The following BICD2 variants were observed in gnomAD, a reference collection of about 807,000 sequenced individuals.
BICD2 encodes protein bicaudal D homolog 2.
BICD2 carries 25 observed loss-of-function variants against 72.9 expected under a neutral mutation model. The observed-to-expected ratio is 0.34, with a 90% CI of 0.25 to 0.48. The LOEUF is 0.48. Among genes scored for constraint, BICD2 ranks in the 20% least tolerant of loss-of-function variants. The probability of loss-of-function intolerance (pLI) is 0.99; values close to 1 mark genes in which losing one functional copy is unlikely to be tolerated. For synonymous variants in BICD2, 501 were observed against 516.1 expected (o/e 0.97, Z 0.40); for missense variants, 894 against 1,175.2 (o/e 0.76, Z 3.50).
chr9:92,715,042 T>C lies in BICD2; in HGVS notation c.*112A>G, dbSNP rs1853273200. On this transcript the variant is annotated 3_prime_UTR_variant, in exon 7 of 7. Coordinates refer to ENST00000356884, the MANE Select transcript of BICD2 (RefSeq NM_001003800.2). ...CCCCATGGCGCCTCGGCTAGACTCCTACCCTCTGTGCATTAGTCACGTTAA... is the reference window on the plus strand; with the variant it reads ...CCCCATGGCGCCTCGGCTAGACTCCCACCCTCTGTGCATTAGTCACGTTAA... The C allele has an allele frequency of 6.9e-7, 1 of 1,458,734 alleles. No homozygotes were observed. Among genetic ancestry groups the C allele is most frequent in the Non-Finnish European group, 9.1e-7 (1 of 1,104,196 alleles). 90.4% of individuals were successfully genotyped at this position (1,458,734 alleles called of 1,614,324 possible).
intron 1 of BICD2, among the ~76,000 whole-genome samples, chr9:92,760,140 G>A (rs952777288): frequency 3.3e-5 from 5 of 152,204 alleles, no homozygotes; most frequent in Non-Finnish European, 7.3e-5. Flanking sequence ...TGTGGAGTCA[G>A]TATGGAGTTC....
chr9:92,753,561 C>T (rs1255544178), intron 1 of BICD2, among the ~76,000 whole-genome samples: 4 of 151,788 alleles, frequency 2.6e-5, no homozygotes, highest in East Asian at 3.9e-4. Flanking sequence ...TTTTTTGAGA[C>T]GGAGTCTTGC....
intron 1 of BICD2, among the ~76,000 whole-genome samples, chr9:92,755,904 G>A (rs892514661): frequency 2.0e-5 from 3 of 152,204 alleles, no homozygotes; most frequent in African/African-American, 7.2e-5. Context: ...ACCTCCAAGG[G>A]CGTCAGGAAT....
intron 1 of BICD2, among the ~76,000 whole-genome samples, chr9:92,749,296 G>T (rs1290494490): frequency 3.9e-5 from 6 of 152,324 alleles, no homozygotes; most frequent in Admixed American, 3.3e-4. Context: ...AAGCCCCTCT[G>T]CAGGCCCATC....
At chr9:92,732,952 A>G (rs921218949) in intron 1 of BICD2, among the ~76,000 whole-genome samples, 25 of 152,244 alleles carry the variant, frequency 1.6e-4, no homozygotes, top group Non-Finnish European at 3.4e-4. Flanking sequence ...AATTCAATGC[A>G]ATCCCTACCA....
intron 1 of BICD2, among the ~76,000 whole-genome samples, chr9:92,735,613 A>G (rs1366462242): frequency 6.6e-6 from 1 of 151,610 alleles, no homozygotes; most frequent in African/African-American, 2.4e-5. Flanking sequence ...GGCTTTGTCA[A>G]GCAGAGGACG....
intron 1 of BICD2, among the ~76,000 whole-genome samples, chr9:92,748,992 A>AG (rs887453387): frequency 6.6e-6 from 1 of 151,812 alleles, no homozygotes; most frequent in African/African-American, 2.4e-5. Flanking sequence ...GGGAGGGGCA[A>AG]GGGGGTAACA....
chr9:92,747,627 T>A (rs1854041594), intron 1 of BICD2, among the ~76,000 whole-genome samples: 1 of 152,146 alleles, frequency 6.6e-6, no homozygotes, highest in African/African-American at 2.4e-5. Context: ...CCCCCATCAC[T>A]TTAGCTCACT....
At chr9:92,740,117 G>A (rs535575687) in intron 1 of BICD2, among the ~76,000 whole-genome samples, 1 of 152,124 alleles carries the variant, frequency 6.6e-6, no homozygotes, top group African/African-American at 2.4e-5. Flanking sequence ...TGTCAACCAC[G>A]CAGAGAGAGA....
chr9:92,753,618 A>G (rs61628776), intron 1 of BICD2, among the ~76,000 whole-genome samples: 16,250 of 151,778 alleles, frequency 0.11, 1,101 homozygotes, highest in East Asian at 0.26. Context: ...AGCTCACCAC[A>G]AGCTCCGCCT....
chr9:92,758,016 C>A (rs776132394), intron 1 of BICD2, among the ~76,000 whole-genome samples: 12 of 149,828 alleles, frequency 8.0e-5, no homozygotes, highest in Non-Finnish European at 1.6e-4. Flanking sequence ...CCAGTCTGAC[C>A]AACATGGTGA....
At chr9:92,721,615 C>A (rs1853466078) in intron 3 of BICD2, among the ~76,000 whole-genome samples, 1 of 152,218 alleles carries the variant, frequency 6.6e-6, no homozygotes, top group Non-Finnish European at 1.5e-5. Flanking sequence ...CACCCATTAC[C>A]ACATCCAAGG....
chr9:92,737,977 C>T (rs1347884136), intron 1 of BICD2, among the ~76,000 whole-genome samples: 1 of 152,248 alleles, frequency 6.6e-6, no homozygotes, highest in Non-Finnish European at 1.5e-5. Flanking sequence ...CCTCCCTCCT[C>T]AGCCACATAG....
At chr9:92,763,719 G>T (rs1027766042) in intron 1 of BICD2, among the ~76,000 whole-genome samples, 1 of 152,224 alleles carries the variant, frequency 6.6e-6, no homozygotes, top group Non-Finnish European at 1.5e-5. Flanking sequence ...CCCCCAGTGG[G>T]AATGACACAG....
rs1249403497 is a variant in BICD2, at chr9:92,753,961, C to T, written c.240+10544G>A. On this transcript the variant is annotated intron_variant, in intron 1 of 6. Coordinates refer to ENST00000356884, the MANE Select transcript of BICD2 (RefSeq NM_001003800.2). Reference sequence around the variant, plus strand: ...AGATCAAGACCATCCCAGCTAACACCGTGAAACCCCGTCACTACTAAAAAT... The same window carrying T: ...AGATCAAGACCATCCCAGCTAACACTGTGAAACCCCGTCACTACTAAAAAT... 1.4e-4 allele frequency among the ~76,000 whole-genome samples: 21 copies of T among 150,762 alleles called. 2 individuals are homozygous for T. The East Asian group carries it at 3.8e-3, about 27-fold the overall frequency.
chr9:92,747,235 C>T (rs1854032779), intron 1 of BICD2, among the ~76,000 whole-genome samples: 1 of 152,186 alleles, frequency 6.6e-6, no homozygotes, highest in Admixed American at 6.5e-5. Flanking sequence ...ACCTGTCCAC[C>T]ATCTGCACCA....
chr9:92,728,097 C>T (rs990294652), intron 2 of BICD2, among the ~76,000 whole-genome samples: 2 of 152,186 alleles, frequency 1.3e-5, no homozygotes, highest in Non-Finnish European at 2.9e-5. Context: ...CCCACCTGCC[C>T]CAGTGGATGG....
rs1165023485 is a variant in BICD2, at chr9:92,714,292, T to C, written c.*862A>G. 1.0e-5 allele frequency: 10 copies of C among 985,364 alleles called. 1 individual carries two copies. The highest frequency in any genetic ancestry group is 1.2e-4 in the Admixed American group (2 of 16,264). 61.0% of individuals were successfully genotyped at this position (985,364 alleles called of 1,614,324 possible). On this transcript the variant is annotated 3_prime_UTR_variant, in exon 7 of 7. Transcript: ENST00000356884. ...CATGTCTTTGGGACTGAACCCCCTATGGAAGGCCGGATAATTGGCTGCTGG... is the reference window on the plus strand; with the variant it reads ...CATGTCTTTGGGACTGAACCCCCTACGGAAGGCCGGATAATTGGCTGCTGG...
intron 1 of BICD2, among the ~76,000 whole-genome samples, chr9:92,734,374 T>C (rs1167517654): frequency 6.6e-6 from 1 of 152,032 alleles, no homozygotes; most frequent in African/African-American, 2.4e-5. Flanking sequence ...TAGCCAGGTG[T>C]GGTGGCATGC....
Sources: allele counts gnomAD v4.1 joint callset (sites outside exome capture counted in the v4.1 genomes callset), GRCh38; gene constraint gnomAD v4.1.1; transcripts MANE v1.5; gene names NCBI Gene and HGNC (gene_info 2026-07-23, HGNC 2026-07-21).